The following RALGDS variants were observed in gnomAD, a reference collection of about 807,000 sequenced individuals.
RALGDS encodes ral guanine nucleotide dissociation stimulator.
In RALGDS, 44 loss-of-function variants were observed where a neutral mutation model predicts 99.8. The ratio of observed to expected loss-of-function variants is 0.44; its 90% confidence interval spans 0.35 to 0.57. The LOEUF (loss-of-function observed/expected upper bound fraction) is 0.57. Ranked by LOEUF, RALGDS falls within the 20% of genes least tolerant of loss-of-function variation. RALGDS has a pLI of 0.01. For missense variants in RALGDS, 1,022 were observed against 1,203.1 expected, an observed-to-expected ratio of 0.85 and a Z score of 2.23; for synonymous variants, 529 against 505.0, an observed-to-expected ratio of 1.05 and a Z score of -0.64.
chr9:133,145,907 C>T (rs1300364812), intron 1 of RALGDS, among the ~76,000 whole-genome samples: 2 of 152,168 alleles, frequency 1.3e-5, no homozygotes, highest in East Asian at 1.9e-4. Context: ...TCAGAGACTG[C>T]AGGGTCCTGC....
At position 133,109,608 on chromosome 9, in the gene RALGDS, G is replaced by A. The variant is rs1313337899; in HGVS notation, c.584+18C>T. The A allele has an allele frequency of 3.1e-6, 5 of 1,597,284 alleles. No homozygotes were observed. The highest frequency in any genetic ancestry group is 4.3e-6 in the Non-Finnish European group (5 of 1,165,016). ...GGTGGGGACAGGGTCCCTTCCTCTT[G>A]GCTCAAAGCTCACTCACTTTTTAAG... is the stretch of plus-strand genomic sequence containing the variant. On this transcript the variant is annotated intron_variant, in intron 4 of 17. Coordinates refer to ENST00000372050, the MANE Select transcript of RALGDS (RefSeq NM_006266.4).
chr9:133,101,875 C>T, intron 15 of RALGDS, 63 bp downstream of exon 15: 2 of 1,551,122 alleles, frequency 1.3e-6, no homozygotes, highest in Non-Finnish European at 1.7e-6. Context: ...GCTTCCTGGC[C>T]CCATGCATGG....
intron 6 of RALGDS, among the ~76,000 whole-genome samples, 199 bp downstream of exon 6, chr9:133,107,789 G>A (rs766041679): frequency 6.6e-6 from 1 of 152,270 alleles, no homozygotes; most frequent in Non-Finnish European, 1.5e-5. Context: ...CACTCTGGAG[G>A]ATAGGGGTGA....
intron 1 of RALGDS, among the ~76,000 whole-genome samples, chr9:133,119,685 T>C (rs1193177443): frequency 1.4e-5 from 2 of 139,574 alleles, no homozygotes; most frequent in East Asian, 2.4e-4. Context: ...ACCCCCACCC[T>C]CCCAGGGGTC....
chr9:133,141,007 G>A (rs757444635), intron 1 of RALGDS, among the ~76,000 whole-genome samples: 10 of 152,120 alleles, frequency 6.6e-5, no homozygotes, highest in Non-Finnish European at 1.2e-4. Flanking sequence ...GTGAACATAC[G>A]AGCCCAGTAC....
Position 133,110,448 on chromosome 9 carries a change from C to T in RALGDS, c.336G>A (p.Lys112=), listed in dbSNP as rs775620155. ...ESALNLYETC[K]VRTVKAGTLE... ...GCGTGCCAGCCTTCACGGTCCGCAC[C>T]TTGCAAGTCTCATAAAGGTTCAGGG... The change falls in exon 3 of 18, where the codon AAG becomes AAA. Residue 112 remains lysine (K), a synonymous_variant. Transcript: ENST00000372050. The T allele has an allele frequency of 1.2e-6, 2 of 1,613,346 alleles. No individual in the cohort carries two copies. The highest frequency in any genetic ancestry group is 1.7e-6 in the Non-Finnish European group (2 of 1,179,930).
intron 9 of RALGDS, 193 bp from the exon 10 acceptor site, chr9:133,104,524 G>A (rs1588515457): frequency 2.1e-5 from 13 of 611,744 alleles, no homozygotes; most frequent in South Asian, 5.6e-5. Flanking sequence ...TGAGAACTCC[G>A]CCTGCTGCAT....
At position 133,103,364 on chromosome 9, in the gene RALGDS, G is replaced by A. The variant is rs936441350; in HGVS notation, c.1759-102C>T. The A allele has an allele frequency of 1.1e-5, 16 of 1,422,714 alleles. No individual in the cohort carries two copies. In the African/African-American group the frequency reaches 1.1e-4, roughly 10 times the overall value. 88.1% of individuals were successfully genotyped at this position (1,422,714 alleles called of 1,614,324 possible). A position where few individuals can be genotyped will look rare whatever the true frequency, so the allele number is the denominator to read the frequency against. On this transcript the variant is annotated intron_variant, in intron 11 of 17. Transcript: ENST00000372050. ...TCAAGAGTGCCCACCAGGGGGCAGGGCACGCACACCCCTGGATTGAAGCCG... is the reference window on the plus strand; with the variant it reads ...TCAAGAGTGCCCACCAGGGGGCAGGACACGCACACCCCTGGATTGAAGCCG...
intron 1 of RALGDS, among the ~76,000 whole-genome samples, chr9:133,138,887 G>A (rs770938108): frequency 4.7e-4 from 72 of 152,234 alleles, no homozygotes; most frequent in Middle Eastern, 3.4e-3. Flanking sequence ...CACCTGCCTC[G>A]ACTTCCAAAA....
rs1412115466 is a variant in RALGDS, at chr9:133,107,258, T to C, written c.1240A>G (p.Ile414Val). 6.2e-7 allele frequency: 1 copy of C among 1,613,702 alleles called. No homozygotes were observed. Among genetic ancestry groups the C allele is most frequent in the South Asian group, 1.1e-5 (1 of 91,088 alleles). ...CCCTTCTTGTCCCGCTGGGACCAGA[T>C]GGAGCCCAGGCAGTGGTAGGGCACC... ...KVVPYHCLGS[I>V]WSQRDKKGKE... is the part of the protein sequence containing the mutation. Residue 414 changes from isoleucine to valine, a missense_variant, in exon 7 of 18, where the codon ATC (isoleucine) becomes GTC (valine). By Grantham distance (29) the Ile-to-Val change is conservative (BLOSUM62 3). Coordinates refer to ENST00000372050, the MANE Select transcript of RALGDS (RefSeq NM_006266.4).
At chr9:133,114,691 G>T (rs1358049422) in intron 1 of RALGDS, among the ~76,000 whole-genome samples, 1 of 152,226 alleles carries the variant, frequency 6.6e-6, no homozygotes, top group Admixed American at 6.5e-5. Flanking sequence ...TCCCCTGAGG[G>T]CAGGTGCCCA....
chr9:133,100,220 G>A (rs1830688152), intron 17 of RALGDS, 48 bp downstream of exon 17: 4 of 1,521,824 alleles, frequency 2.6e-6, no homozygotes, highest in East Asian at 4.5e-5. Context: ...GCTGGGGAGT[G>A]GTGTGGACCT....
rs777715610 is a variant in RALGDS, at chr9:133,098,740, G to C, written c.2592C>G (p.Ala864=). 6.2e-7 allele frequency: 1 copy of C among 1,613,942 alleles called. No homozygotes were observed. Among genetic ancestry groups the C allele is most frequent in the East Asian group, 2.2e-5 (1 of 44,880 alleles). ...DDRKLKIPEN[A]NVFYAMNSTA... ...TAGAGTTCATGGCATAGAAGACGTT[G>C]GCGTTTTCAGGGATCTTCAGCTCTG... Residue 864 remains alanine, a synonymous_variant, in exon 18 of 18, where the codon GCC becomes GCG. Transcript: ENST00000372050.
chr9:133,117,674 C>G (rs1479476612), intron 1 of RALGDS, among the ~76,000 whole-genome samples: 1 of 152,258 alleles, frequency 6.6e-6, no homozygotes, highest in Non-Finnish European at 1.5e-5. Flanking sequence ...TCTGCTGTTG[C>G]TGTATATCTG....
At chr9:133,117,856 T>A (rs1009453354) in intron 1 of RALGDS, among the ~76,000 whole-genome samples, 1 of 152,216 alleles carries the variant, frequency 6.6e-6, no homozygotes, top group African/African-American at 2.4e-5. Context: ...ACTGGCTCGT[T>A]CAGAGCCTGC....
chr9:133,105,908 C>G (rs73662450), intron 9 of RALGDS, 24 bp downstream of exon 9: 9 of 1,016,214 alleles, frequency 8.9e-6, no homozygotes, highest in Non-Finnish European at 1.2e-5. Flanking sequence ...CCCCAGCCCC[C>G]GCCCCAGCCT....
intron 1 of RALGDS, chr9:133,129,434 C>G: frequency 7.1e-7 from 1 of 1,401,056 alleles, no homozygotes; most frequent in East Asian, 2.7e-5. Flanking sequence ...TGGTGTCACC[C>G]GCGTGGCTGT....
intron 8 of RALGDS, 121 bp downstream of exon 8, chr9:133,106,524 C>G (rs1175976005): frequency 2.7e-6 from 2 of 729,886 alleles, no homozygotes; most frequent in Non-Finnish European, 4.8e-6. Flanking sequence ...GCTGCCAACT[C>G]AGGTCAGTGA....
chr9:133,102,115 G>C lies in RALGDS; in HGVS notation c.2034C>G (p.Leu678=). The C allele has an allele frequency of 6.4e-7, 1 of 1,573,262 alleles. No individual in the cohort carries two copies. Among genetic ancestry groups the C allele is most frequent in the Non-Finnish European group, 8.6e-7 (1 of 1,158,604 alleles). ...TGGAGTGGGAGCTGCCACTGGTACT[G>C]AGCTCAGTGCTGGGGGCCTGGCGGC... ...WSDRQAPSTE[L]STSGSSHSKS... is the part of the protein sequence containing the mutation. Residue 678 remains leucine (L), a synonymous_variant, in exon 15 of 18, where the codon CTC becomes CTG. Coordinates refer to ENST00000372050, the MANE Select transcript of RALGDS (RefSeq NM_006266.4).
Sources: allele counts gnomAD v4.1 joint callset (sites outside exome capture counted in the v4.1 genomes callset), GRCh38; gene constraint gnomAD v4.1.1; transcripts MANE v1.5; gene names NCBI Gene and HGNC (gene_info 2026-07-23, HGNC 2026-07-21).